Variants in GALNT13 observed in about 807,000 individuals in gnomAD.
GALNT13 encodes polypeptide N-acetylgalactosaminyltransferase 13.
Under a neutral mutation model 64.2 loss-of-function variants are expected in GALNT13, and 28 were observed. The observed-to-expected ratio is 0.44, with a 90% confidence interval of 0.32 to 0.60. GALNT13 has a LOEUF of 0.60. Among genes scored for constraint, GALNT13 ranks in the 20% least tolerant of loss-of-function variants. GALNT13 has a pLI of 0.05. For synonymous variants in GALNT13, 214 were observed against 224.6 expected (o/e 0.95, Z 0.42); for missense variants, 577 against 669.8 (o/e 0.86, Z 1.53).
At chr2:154,168,403 G>T (rs1375450368) in intron 4 of GALNT13, among the ~76,000 whole-genome samples, 1 of 152,084 alleles carries the variant, frequency 6.6e-6, no homozygotes, top group Non-Finnish European at 1.5e-5. Context: ...AAAGTAATCT[G>T]CTTTACTCAA....
At chr2:153,157,434 C>T in the GALNT13 span, among the ~76,000 whole-genome samples, 22 of 152,036 alleles carry the variant, frequency 1.4e-4, no homozygotes, top group African/African-American at 3.9e-4. Context: ...TGGATGGCTG[C>T]GAAGTTATCT....
At chr2:153,521,527 C>T in the GALNT13 span, among the ~76,000 whole-genome samples, 1 of 152,248 alleles carries the variant, frequency 6.6e-6, no homozygotes, top group African/African-American at 2.4e-5. Flanking sequence ...ATTGACGAAC[C>T]CACAATGACA....
chr2:153,804,182 T>A, the GALNT13 span, among the ~76,000 whole-genome samples: 2 of 152,310 alleles, frequency 1.3e-5, no homozygotes, highest in South Asian at 4.1e-4. Flanking sequence ...TTGTTGTTTC[T>A]TTTTGAGATA....
the GALNT13 span, among the ~76,000 whole-genome samples, chr2:153,675,929 A>G: frequency 6.6e-6 from 1 of 152,106 alleles, no homozygotes; most frequent in Non-Finnish European, 1.5e-5. Flanking sequence ...ATCTCATATT[A>G]ACAACCTAAT....
At chr2:153,074,571 A>G in the GALNT13 span, among the ~76,000 whole-genome samples, 2 of 152,272 alleles carry the variant, frequency 1.3e-5, no homozygotes, top group East Asian at 1.9e-4. Context: ...ACAATAGGCA[A>G]TTGCACTACA....
At position 154,241,510 on chromosome 2, in the gene GALNT13, G is replaced by A. The variant is rs570917165; in HGVS notation, c.312-520G>A. 1.6e-3 allele frequency among the ~76,000 whole-genome samples: 241 copies of A among 152,268 alleles called. 2 individuals carry two copies. Among genetic ancestry groups the A allele is most frequent in the Non-Finnish European group, 2.3e-3 (157 of 68,008 alleles). On this transcript the variant is annotated intron_variant, in intron 4 of 12. Transcript: ENST00000392825. ...CATTTAGTAGATTCTGAATCTAAAG[G>A]AAACCTAAATCATTCCTTGGAAGTA...
At chr2:153,143,177 ACT>A in the GALNT13 span, among the ~76,000 whole-genome samples, 3 of 151,752 alleles carry the variant, frequency 2.0e-5, no homozygotes, top group Non-Finnish European at 4.4e-5. Context: ...CCAGCCCAAG[ACT>A]CTTGTTATCA....
At chr2:154,110,336 TAGAGAGAGAGAGAG>T (rs1190684961) in intron 3 of GALNT13, among the ~76,000 whole-genome samples, 1 of 9,920 alleles carries the variant, frequency 1.0e-4, no homozygotes, top group Admixed American at 2.0e-3. Context: ...TATATATATA[TAGAGAGAGAGAGAG>T]AGAGAGAGAG....
chr2:154,421,265 T>G (rs1357962856), intron 11 of GALNT13, among the ~76,000 whole-genome samples: 3 of 152,186 alleles, frequency 2.0e-5, no homozygotes, highest in East Asian at 3.9e-4. Flanking sequence ...TAAAGATTCC[T>G]TGCTTAAAAC....
intron 3 of GALNT13, among the ~76,000 whole-genome samples, chr2:154,037,589 A>ATAT (rs1384645374): frequency 6.6e-6 from 1 of 152,124 alleles, no homozygotes; most frequent in Non-Finnish European, 1.5e-5. Context: ...ACATGACATG[A>ATAT]TATTAGATAC....
chr2:153,242,604 T>C, the GALNT13 span, among the ~76,000 whole-genome samples: 1 of 152,238 alleles, frequency 6.6e-6, no homozygotes, highest in South Asian at 2.1e-4. Context: ...GAGAGCTCTA[T>C]GGTTAAAATG....
the GALNT13 span, among the ~76,000 whole-genome samples, chr2:153,728,738 C>A: frequency 6.6e-6 from 1 of 152,102 alleles, no homozygotes; most frequent in Middle Eastern, 3.4e-3. Flanking sequence ...AAATAGATCA[C>A]TAGTCAGACT....
At chr2:154,063,110 C>CTT (rs1008715911) in intron 3 of GALNT13, among the ~76,000 whole-genome samples, 53 of 151,988 alleles carry the variant, frequency 3.5e-4, no homozygotes, top group African/African-American at 1.2e-3. Context: ...TTTTGTCACC[C>CTT]TTTTTGTTTC....
chr2:154,074,425 A>G (rs1346725711), intron 3 of GALNT13, among the ~76,000 whole-genome samples: 2 of 151,948 alleles, frequency 1.3e-5, no homozygotes, highest in Non-Finnish European at 2.9e-5. Context: ...TTTTACATAC[A>G]TAATTTTGTT....
the GALNT13 span, among the ~76,000 whole-genome samples, chr2:153,160,358 C>T: frequency 6.6e-6 from 1 of 152,186 alleles, no homozygotes; most frequent in African/African-American, 2.4e-5. Flanking sequence ...AAGGCATACT[C>T]TATTTCATGT....
the GALNT13 span, among the ~76,000 whole-genome samples, chr2:153,136,009 CA>C: frequency 6.6e-6 from 1 of 151,998 alleles, no homozygotes; most frequent in Non-Finnish European, 1.5e-5. Flanking sequence ...GAGTTCTATA[CA>C]GGGGGAGAGA....
At chr2:153,073,216 A>C in the GALNT13 span, among the ~76,000 whole-genome samples, 1 of 152,090 alleles carries the variant, frequency 6.6e-6, no homozygotes, top group African/African-American at 2.4e-5. Flanking sequence ...TATGTCAGTA[A>C]ATTTTCAGGT....
chr2:153,396,313 A>T, the GALNT13 span, among the ~76,000 whole-genome samples: 1 of 152,108 alleles, frequency 6.6e-6, no homozygotes, highest in Non-Finnish European at 1.5e-5. Flanking sequence ...GAAAATTTAA[A>T]ATACAAAATC....
At chr2:153,587,394 A>G in the GALNT13 span, among the ~76,000 whole-genome samples, 7 of 152,156 alleles carry the variant, frequency 4.6e-5, no homozygotes, top group Non-Finnish European at 8.8e-5. Flanking sequence ...CATACCTGAT[A>G]TTGGGCAATT....
Sources: allele counts gnomAD v4.1 joint callset (sites outside exome capture counted in the v4.1 genomes callset), GRCh38; gene constraint gnomAD v4.1.1; transcripts MANE v1.5; gene names NCBI Gene and HGNC (gene_info 2026-07-23, HGNC 2026-07-21).